The following RBMS3 variants were observed in gnomAD, a reference collection of about 807,000 sequenced individuals.
RBMS3 encodes RNA-binding motif, single-stranded-interacting protein 3.
A neutral mutation model predicts 66.8 loss-of-function variants in RBMS3; 27 were observed. That is an observed-to-expected ratio of 0.40 (90% CI 0.30 to 0.56). The LOEUF is 0.56. Among genes scored for constraint, RBMS3 ranks in the 20% least tolerant of loss-of-function variants. RBMS3 has a pLI of 0.40. For missense variants in RBMS3, 513 were observed against 549.5 expected, an observed-to-expected ratio of 0.93 and a Z score of 0.66; for synonymous variants, 188 against 183.0, an observed-to-expected ratio of 1.03 and a Z score of -0.22.
chr3:29,489,907 G>T (rs2043468054), intron 3 of RBMS3, among the ~76,000 whole-genome samples: 1 of 151,652 alleles, frequency 6.6e-6, no homozygotes, highest in African/African-American at 2.4e-5. Flanking sequence ...GCTGGGCACG[G>T]TTGTAGGCAC....
intron 1 of RBMS3, among the ~76,000 whole-genome samples, chr3:29,287,193 G>A (rs1348114686): frequency 1.3e-5 from 2 of 151,986 alleles, no homozygotes; most frequent in East Asian, 1.9e-4. Flanking sequence ...CTCGGAAAAC[G>A]GAAACAGACA....
chr3:29,628,735 TTAAGA>T (rs1277011711), intron 4 of RBMS3, among the ~76,000 whole-genome samples: 4 of 151,388 alleles, frequency 2.6e-5, no homozygotes, highest in Non-Finnish European at 5.9e-5. Context: ...GTTTCATAAC[TTAAGA>T]TATTTTCATA....
chr3:29,958,477 C>A (rs901227494), intron 12 of RBMS3, among the ~76,000 whole-genome samples: 1 of 151,744 alleles, frequency 6.6e-6, no homozygotes, highest in Non-Finnish European at 1.5e-5. Flanking sequence ...GAAAAAAAAA[C>A]TCTGCTGTTA....
At chr3:29,343,496 A>G (rs2036399078) in intron 1 of RBMS3, among the ~76,000 whole-genome samples, 1 of 152,126 alleles carries the variant, frequency 6.6e-6, no homozygotes, top group Non-Finnish European at 1.5e-5. Flanking sequence ...TAATTAATAG[A>G]CTATAGTTTC....
chr3:29,914,904 A>G (rs1305218571), intron 10 of RBMS3, among the ~76,000 whole-genome samples: 1 of 151,840 alleles, frequency 6.6e-6, no homozygotes, highest in Non-Finnish European at 1.5e-5. Context: ...TATTTCTTCC[A>G]TAGCCACTAG....
chr3:29,414,688 T>C (rs1192734831), intron 1 of RBMS3, among the ~76,000 whole-genome samples: 4 of 152,134 alleles, frequency 2.6e-5, no homozygotes, highest in Non-Finnish European at 5.9e-5. Context: ...CACACTGCTG[T>C]CATCATGCCA....
intron 4 of RBMS3, among the ~76,000 whole-genome samples, chr3:29,696,045 C>T (rs551323867): frequency 6.6e-6 from 1 of 152,230 alleles, no homozygotes; most frequent in African/African-American, 2.4e-5. Context: ...AGTAAAGATC[C>T]CCTAGGCATT....
intron 7 of RBMS3, among the ~76,000 whole-genome samples, chr3:29,883,226 G>A (rs2059779081): frequency 6.6e-6 from 1 of 152,010 alleles, no homozygotes; most frequent in African/African-American, 2.4e-5. Context: ...TTGATACTCA[G>A]GTCTAATTTA....
intron 1 of RBMS3, among the ~76,000 whole-genome samples, chr3:29,295,644 A>G (rs1406298385): frequency 6.6e-6 from 1 of 151,526 alleles, no homozygotes; most frequent in East Asian, 1.9e-4. Context: ...CTACTTTTTC[A>G]ATGACAAATG....
At chr3:29,495,654 G>C (rs1319398209) in intron 3 of RBMS3, among the ~76,000 whole-genome samples, 1 of 151,878 alleles carries the variant, frequency 6.6e-6, no homozygotes, top group Non-Finnish European at 1.5e-5. Flanking sequence ...CTGACCTCAA[G>C]TGATCCACTT....
chr3:29,715,908 T>A (rs2053373018), intron 4 of RBMS3, among the ~76,000 whole-genome samples: 1 of 152,166 alleles, frequency 6.6e-6, no homozygotes, highest in African/African-American at 2.4e-5. Context: ...TAAATGGGTC[T>A]GATTAGCCTT....
intron 7 of RBMS3, among the ~76,000 whole-genome samples, chr3:29,875,745 C>A (rs2059597567): frequency 6.6e-6 from 1 of 151,918 alleles, no homozygotes; most frequent in Admixed American, 6.6e-5. Context: ...ATTTTGAGAT[C>A]TTTAGATAGC....
intron 1 of RBMS3, among the ~76,000 whole-genome samples, chr3:29,390,334 C>CA (rs1172239374): frequency 2.0e-5 from 3 of 151,496 alleles, no homozygotes; most frequent in South Asian, 4.2e-4. Context: ...CTGTATTTAC[C>CA]AAAAAAAGTT....
At chr3:29,793,082 A>G (rs954153941) in intron 6 of RBMS3, among the ~76,000 whole-genome samples, 13 of 152,068 alleles carry the variant, frequency 8.5e-5, no homozygotes, top group African/African-American at 3.1e-4. Context: ...TACTAAAAAT[A>G]CAAAAAATTA....
intron 3 of RBMS3, among the ~76,000 whole-genome samples, chr3:29,561,435 G>T (rs1411986260): frequency 8.8e-6 from 1 of 113,010 alleles, no homozygotes; most frequent in East Asian, 2.2e-4. Context: ...TGTTGTTTTT[G>T]TTGTTGTTGT....
chr3:29,870,411 C>A (rs1008196760), intron 7 of RBMS3, among the ~76,000 whole-genome samples: 26 of 152,244 alleles, frequency 1.7e-4, no homozygotes, highest in African/African-American at 6.3e-4. Context: ...CATCACAAAG[C>A]CCCAAGACTC....
chr3:29,890,910 A>G (rs182226562), intron 8 of RBMS3, among the ~76,000 whole-genome samples: 5 of 151,480 alleles, frequency 3.3e-5, no homozygotes, highest in East Asian at 2.0e-4. Context: ...AATTATTTCC[A>G]TAGGACCGTG....
At chr3:30,002,964 G>T (rs1699677395) in intron 14 of RBMS3, among the ~76,000 whole-genome samples, 2 of 151,966 alleles carry the variant, frequency 1.3e-5, no homozygotes, top group African/African-American at 4.8e-5. Flanking sequence ...TAGTAACACT[G>T]AGTCAAATTT....
At chr3:29,747,356 A>T (rs985911497) in intron 5 of RBMS3, among the ~76,000 whole-genome samples, 1 of 141,520 alleles carries the variant, frequency 7.1e-6, no homozygotes, top group Non-Finnish European at 1.6e-5. Flanking sequence ...CCTGACATCT[A>T]TCTATCTATC....
Sources: gnomAD v4.1 joint callset for allele counts (sites outside exome capture counted in the v4.1 genomes callset) on GRCh38, gnomAD v4.1.1 for gene constraint, MANE v1.5 for transcripts, NCBI Gene and HGNC (gene_info 2026-07-23, HGNC 2026-07-21) for gene names.